Variants in PHF2 observed in about 807,000 individuals in gnomAD.
PHF2 encodes the protein PHD finger protein 2, also known as lysine-specific demethylase PHF2.
In PHF2, 27 loss-of-function variants were observed where a neutral mutation model predicts 120.5. That is an observed-to-expected ratio of 0.22 (90% CI 0.17 to 0.31). The LOEUF (loss-of-function observed/expected upper bound fraction) is 0.31. Among genes scored for constraint, PHF2 ranks in the 10% least tolerant of loss-of-function variants. The pLI is 1.00. For missense variants in PHF2, 1,024 were observed against 1,434.8 expected, an observed-to-expected ratio of 0.71 and a Z score of 4.63; for synonymous variants, 568 against 592.5, an observed-to-expected ratio of 0.96 and a Z score of 0.60.
rs1055880044 is a variant in PHF2, at chr9:93,677,899, C to G, written c.*223C>G. 7 of 548,260 alleles carry G rather than the reference C, an allele frequency of 1.3e-5. No homozygotes were observed. Among genetic ancestry groups the G allele is most frequent in the Non-Finnish European group, 1.9e-5 (6 of 309,126 alleles). 34.0% of individuals were successfully genotyped at this position (548,260 alleles called of 1,614,324 possible). ...CTTTTCTCAAGTTGCTAAGAGTGATCTGTCCCAGAAAAGCGGCCCTGCAAG... is the reference window on the plus strand; with the variant it reads ...CTTTTCTCAAGTTGCTAAGAGTGATGTGTCCCAGAAAAGCGGCCCTGCAAG... On this transcript the variant is annotated 3_prime_UTR_variant, in exon 22 of 22. Coordinates refer to ENST00000359246, the MANE Select transcript of PHF2 (RefSeq NM_005392.4). This position sits in a 1 kb window ranked among gnomAD's most constrained non-coding sequence, Gnocchi z 4.4.
intron 1 of PHF2, among the ~76,000 whole-genome samples, chr9:93,617,858 A>G (rs959545738): frequency 6.6e-6 from 1 of 152,208 alleles, no homozygotes. Flanking sequence ...TCCCTGCTTT[A>G]TATTCCAGCC....
intron 11 of PHF2, 87 bp downstream of exon 11, chr9:93,659,687 C>A: frequency 8.2e-7 from 1 of 1,219,902 alleles, no homozygotes; most frequent in Non-Finnish European, 1.2e-6. Context: ...GCCAGCCTAA[C>A]ACAGAGCTGC....
At chr9:93,620,892 G>A (rs1157054569) in intron 1 of PHF2, among the ~76,000 whole-genome samples, 3 of 152,302 alleles carry the variant, frequency 2.0e-5, no homozygotes, top group East Asian at 3.9e-4. Flanking sequence ...GCCCAGTGTC[G>A]GCAAACAGTC....
At chr9:93,598,293 G>T (rs1417693938) in intron 1 of PHF2, among the ~76,000 whole-genome samples, 1 of 152,202 alleles carries the variant, frequency 6.6e-6, no homozygotes. Context: ...ATTTAATCGC[G>T]ATTCACTCCC....
rs1460107467 is a variant in PHF2, at chr9:93,645,748, C to T, written c.419C>T (p.Pro140Leu). 2 of 1,609,796 alleles carry T rather than the reference C, an allele frequency of 1.2e-6. No homozygotes were observed. Among genetic ancestry groups the T allele is most frequent in the Non-Finnish European group, 1.7e-6 (2 of 1,178,406 alleles). ...AAAGACGGGCTGGGTCTGGCTGTCC[C>T]GGCCCCCACGTTCTATGTCAGTGAC... ...PKKDGLGLAV[P>L]APTFYVSDVE... Residue 140 changes from proline (P) to leucine (L), a missense_variant, in exon 4 of 22, where the codon CCG becomes CTG. By Grantham distance (98) the Pro-to-Leu change is moderately conservative. This residue lies in a region of PHF2 where 347 missense variants were observed against 577.4 expected (regional missense o/e 0.60). Transcript: ENST00000359246.
intron 2 of PHF2, among the ~76,000 whole-genome samples, chr9:93,636,137 G>T (rs1363711212): frequency 6.6e-6 from 1 of 152,100 alleles, no homozygotes; most frequent in Admixed American, 6.5e-5. Flanking sequence ...GAGGGGTCCT[G>T]GGAGACCCCA....
At chr9:93,668,589 C>T (rs1826724791) in intron 17 of PHF2, among the ~76,000 whole-genome samples, 1 of 152,088 alleles carries the variant, frequency 6.6e-6, no homozygotes, top group South Asian at 2.1e-4. Context: ...ATTGTGGGCA[C>T]CTGGGACTTG....
chr9:93,595,755 C>G (rs1023834130), intron 1 of PHF2, among the ~76,000 whole-genome samples: 1 of 152,252 alleles, frequency 6.6e-6, no homozygotes, highest in African/African-American at 2.4e-5. Context: ...ATGCCTTCCT[C>G]TTGATGGAAC....
intron 17 of PHF2, chr9:93,670,901 C>T (rs1284073287): frequency 2.7e-6 from 2 of 738,832 alleles, no homozygotes; most frequent in Non-Finnish European, 3.3e-6. Context: ...AGCGGGGGTG[C>T]AGACAGGGCA....
intron 2 of PHF2, 52 bp from the exon 3 acceptor site, chr9:93,636,359 C>A: frequency 7.1e-7 from 1 of 1,415,458 alleles, no homozygotes; most frequent in Non-Finnish European, 9.8e-7. Context: ...AGTTGTGGAG[C>A]CCTGCTGGGG....
At chr9:93,599,967 ATG>A (rs1160602124) in intron 1 of PHF2, among the ~76,000 whole-genome samples, 1 of 152,216 alleles carries the variant, frequency 6.6e-6, no homozygotes, top group Non-Finnish European at 1.5e-5. Flanking sequence ...CACGGCCCTC[ATG>A]CTGCCCAGGA....
intron 3 of PHF2, among the ~76,000 whole-genome samples, chr9:93,645,161 C>G (rs185325412): frequency 1.1e-3 from 166 of 152,358 alleles, no homozygotes; most frequent in Non-Finnish European, 2.0e-3. Context: ...TCAGAGCCAT[C>G]TTAGTGGCTC....
At chr9:93,665,601 T>C in intron 14 of PHF2, 85 bp from the exon 15 acceptor site, 3 of 1,467,010 alleles carry the variant, frequency 2.0e-6, no homozygotes, top group Non-Finnish European at 2.8e-6. Flanking sequence ...GCCGCGGCCC[T>C]GGCAGAGGAC....
At chr9:93,671,971 T>G (rs1826802823) in intron 17 of PHF2, among the ~76,000 whole-genome samples, 1 of 134,168 alleles carries the variant, frequency 7.5e-6, no homozygotes, top group Non-Finnish European at 1.6e-5. Context: ...CAGGTGTAGA[T>G]GCAGATGTGG....
In PHF2 at chr9:93,609,930, C is replaced by T. The variant is rs547493398; in HGVS notation, c.99-20040C>T. ...GAGGTTGGTCTTGAACTCTTGACCT[C>T]GTGATCTGCCTGCCTTGGCCTCCCA... On this transcript the variant is annotated intron_variant, in intron 1 of 21. Transcript: ENST00000359246. 5.3e-5 allele frequency among the ~76,000 whole-genome samples: 8 copies of T among 152,246 alleles called. No individual in the cohort carries two copies. In the South Asian group the frequency reaches 8.3e-4, roughly 16 times the overall value.
chr9:93,634,206 A>G (rs16912647), intron 2 of PHF2, among the ~76,000 whole-genome samples: 3,078 of 151,700 alleles, frequency 0.02, 73 homozygotes, highest in East Asian at 0.11. Context: ...CACTTTGTGA[A>G]CTCTGGAGCC....
At chr9:93,595,097 TG>T (rs1393290582) in intron 1 of PHF2, among the ~76,000 whole-genome samples, 2 of 152,212 alleles carry the variant, frequency 1.3e-5, no homozygotes, top group Non-Finnish European at 2.9e-5. Context: ...AACAGGCATT[TG>T]GGTGCTTATC....
In PHF2 at chr9:93,659,492, G is replaced by A; in HGVS notation, c.1240-19G>A. The A allele has an allele frequency of 6.2e-7, 1 of 1,609,518 alleles. No homozygotes were observed. The highest frequency in any genetic ancestry group is 8.5e-7 in the Non-Finnish European group (1 of 1,176,014). Reference sequence around the variant, plus strand: ...ACGGGAGGTGTCTGGTGCTGACCCTGGGTCCGGTTGTCCTGCAGGCTTTGG... The same window carrying A: ...ACGGGAGGTGTCTGGTGCTGACCCTAGGTCCGGTTGTCCTGCAGGCTTTGG... On this transcript the variant is annotated intron_variant, in intron 10 of 21. Coordinates refer to ENST00000359246, the MANE Select transcript of PHF2 (RefSeq NM_005392.4).
chr9:93,598,028 C>G (rs1162594462), intron 1 of PHF2, among the ~76,000 whole-genome samples: 3 of 152,158 alleles, frequency 2.0e-5, no homozygotes, highest in Non-Finnish European at 4.4e-5. Flanking sequence ...AGCTGGCCAT[C>G]AGTGGGCTTT....
Sources: gnomAD v4.1 joint callset for allele counts (sites outside exome capture counted in the v4.1 genomes callset) on GRCh38, gnomAD v4.1.1 for gene constraint, gnomAD v4.1.1 regional missense constraint, Gnocchi (gnomAD v3.1) non-coding constraint, MANE v1.5 for transcripts, NCBI Gene and HGNC (gene_info 2026-07-23, HGNC 2026-07-21) for gene names.